The following SLC22A24 variants were observed in gnomAD, a reference collection of about 807,000 sequenced individuals.
SLC22A24 encodes the protein steroid transmembrane transporter SLC22A24.
Under a neutral mutation model 49.8 loss-of-function variants are expected in SLC22A24, and 53 were observed. The observed-to-expected ratio is 1.06, with a 90% CI of 0.85 to 1.34. The LOEUF (loss-of-function observed/expected upper bound fraction) is 1.34. Among genes scored for constraint, SLC22A24 ranks in the 40% most tolerant of loss-of-function variants. SLC22A24 has a pLI of 0.00. For missense variants in SLC22A24, 786 were observed against 675.9 expected, an observed-to-expected ratio of 1.16 and a Z score of -1.81; for synonymous variants, 302 against 256.4, an observed-to-expected ratio of 1.18 and a Z score of -1.70.
chr11:63,118,445 G>C (rs1262554869), intron 4 of SLC22A24: 1 of 176,182 alleles, frequency 5.7e-6, no homozygotes, highest in African/African-American at 2.4e-5. Context: ...CCAATTTTTG[G>C]AGATCCTACT....
At chr11:63,136,216 C>T (rs1037493278) in intron 1 of SLC22A24, among the ~76,000 whole-genome samples, 1 of 152,094 alleles carries the variant, frequency 6.6e-6, no homozygotes, top group Non-Finnish European at 1.5e-5. Flanking sequence ...AGAAGCAGCT[C>T]CAAAGCACTT....
chr11:63,083,209 C>T, intron 7 of SLC22A24, 34 bp downstream of exon 7: 1 of 1,511,562 alleles, frequency 6.6e-7, no homozygotes, highest in South Asian at 1.2e-5. Flanking sequence ...ATGGGGGTAA[C>T]TACTTTCTTT....
chr11:63,104,167 C>G lies in SLC22A24; in HGVS notation c.954+8G>C. ...AATCACAGCAATCATTTCCCCTTTC[C>G]AGATCACCTCAGTGGTCAGTGTCTC... On this transcript the variant is annotated splice_region_variant and intron_variant, in intron 5 of 9. Transcript: ENST00000612278. 6.5e-7 allele frequency: 1 copy of G among 1,548,572 alleles called. No individual in the cohort carries two copies. Among genetic ancestry groups the G allele is most frequent in the Non-Finnish European group, 8.7e-7 (1 of 1,146,638 alleles).
In SLC22A24 at chr11:63,096,032, T is replaced by G. The variant is rs1269970069; in HGVS notation, c.1029A>C (p.Ala343=). ...CGAAGACTCTCATTCGCAATTTGGG[T>G]GCACGGAACAGGGAAAAAATGGATG... ...IKTSIFSLFR[A]PKLRMRVFGL... The change falls in exon 6 of 10, where the codon GCA becomes GCC. Residue 343 remains alanine (A), a synonymous_variant. Coordinates refer to ENST00000612278, the MANE Select transcript of SLC22A24 (RefSeq NM_001136506.2). 1 of 1,550,948 alleles carries G rather than the reference T, an allele frequency of 6.4e-7. No individual in the cohort carries two copies. The highest frequency in any genetic ancestry group is 2.4e-5 in the East Asian group (1 of 40,896).
At chr11:63,115,971 G>A (rs1023539849) in intron 4 of SLC22A24, 9 of 321,562 alleles carry the variant, frequency 2.8e-5, no homozygotes, top group South Asian at 7.9e-5. Context: ...TTGACCCTTG[G>A]CCTTTGGCTG....
chr11:63,106,814 A>T (rs562280601), intron 4 of SLC22A24, among the ~76,000 whole-genome samples: 149 of 152,258 alleles, frequency 9.8e-4, no homozygotes, highest in African/African-American at 3.4e-3. Flanking sequence ...AGTTCGTTGT[A>T]GATTCTGGAT....
chr11:63,113,826 C>T (rs1253010602), intron 4 of SLC22A24, among the ~76,000 whole-genome samples: 113 of 150,292 alleles, frequency 7.5e-4, no homozygotes, highest in African/African-American at 2.7e-3. Flanking sequence ...TACACTCCAG[C>T]CTGGGCAACA....
intron 7 of SLC22A24, among the ~76,000 whole-genome samples, chr11:63,082,770 A>G (rs1156598353): frequency 6.6e-6 from 1 of 152,218 alleles, no homozygotes; most frequent in East Asian, 1.9e-4. Flanking sequence ...ATAATAGGGA[A>G]CTCAAAAGTG....
At chr11:63,126,580 A>G (rs1044365654) in intron 2 of SLC22A24, among the ~76,000 whole-genome samples, 9 of 152,142 alleles carry the variant, frequency 5.9e-5, no homozygotes, top group African/African-American at 2.2e-4. Context: ...CATAATTTGA[A>G]GTCAGGTAGC....
intron 2 of SLC22A24, among the ~76,000 whole-genome samples, chr11:63,123,786 A>T (rs1480034906): frequency 6.6e-6 from 1 of 152,162 alleles, no homozygotes; most frequent in Non-Finnish European, 1.5e-5. Flanking sequence ...CCTCTAAAAC[A>T]TTTTACAAAT....
intron 2 of SLC22A24, among the ~76,000 whole-genome samples, chr11:63,121,827 C>T (rs1033199915): frequency 6.6e-6 from 1 of 152,084 alleles, no homozygotes; most frequent in African/African-American, 2.4e-5. Context: ...GTGTGATGTT[C>T]CCCTTCCTGT....
chr11:63,108,104 TC>T (rs1403908217), intron 4 of SLC22A24, among the ~76,000 whole-genome samples: 1 of 152,184 alleles, frequency 6.6e-6, no homozygotes, highest in Non-Finnish European at 1.5e-5. Flanking sequence ...TTGAGATACA[TC>T]CCATCAATAC....
At chr11:63,084,781 T>TCTTCTTACC (rs2086978327) in intron 6 of SLC22A24, among the ~76,000 whole-genome samples, 1 of 152,048 alleles carries the variant, frequency 6.6e-6, no homozygotes, top group Non-Finnish European at 1.5e-5. Context: ...GTCAACAATA[T>TCTTCTTACC]CTTCTTACCC....
chr11:63,105,975 CA>C (rs1565328895), intron 4 of SLC22A24, among the ~76,000 whole-genome samples: 1 of 152,000 alleles, frequency 6.6e-6, no homozygotes, highest in African/African-American at 2.4e-5. Context: ...TACATGTGCA[CA>C]ATGTGCAGGT....
rs2086954965 is a variant in SLC22A24, at chr11:63,080,800, G to T, written c.1598+120C>A. The T allele has an allele frequency of 5.0e-6, 4 of 805,456 alleles. No homozygotes were observed. In the East Asian group the frequency reaches 1.1e-4, roughly 22 times the overall value. The allele number at this position is 805,456 out of a possible 1,614,324, so 49.9% of individuals were successfully genotyped here. A position where few individuals can be genotyped will look rare whatever the true frequency, so the allele number is the denominator to read the frequency against. On this transcript the variant is annotated intron_variant, in intron 9 of 9. Coordinates refer to ENST00000612278, the MANE Select transcript of SLC22A24 (RefSeq NM_001136506.2). ...AAAGGACATGGTGACAAATAGAAAA[G>T]TCCTAGGTCTGAGCCTACATGAAGG...
chr11:63,134,707 C>G lies in SLC22A24; in HGVS notation c.464G>C (p.Gly155Ala), dbSNP rs752239055. ...ATATATTAGACCTCCCAGAAGTGAC[C>G]CAGCCATAAATAGGGATTGAACCAT... Reference protein sequence around the residue: ...KSMVQSLFMAGSLLGGLIYGH... With the variant: ...KSMVQSLFMAASLLGGLIYGH... Residue 155 changes from glycine to alanine, a missense_variant, in exon 2 of 10, where the codon GGG becomes GCG. Physicochemically the swap from Gly to Ala is moderately conservative, Grantham distance 60. Transcript: ENST00000612278. 6.4e-7 allele frequency: 1 copy of G among 1,558,920 alleles called. No individual in the cohort carries two copies. The highest frequency in any genetic ancestry group is 8.7e-7 in the Non-Finnish European group (1 of 1,150,436).
chr11:63,081,451 C>G, intron 8 of SLC22A24, 107 bp downstream of exon 8: 1 of 787,940 alleles, frequency 1.3e-6, no homozygotes, highest in Non-Finnish European at 2.2e-6. Flanking sequence ...ATTTCTATTA[C>G]AGTTAATTCA....
At position 63,143,878 on chromosome 11, in the gene SLC22A24, C is replaced by T; in HGVS notation, c.-99G>A. 1 of 1,029,668 alleles carries T rather than the reference C, an allele frequency of 9.7e-7. No individual in the cohort carries two copies. Among genetic ancestry groups the T allele is most frequent in the Non-Finnish European group, 1.3e-6 (1 of 783,746 alleles). The allele number at this position is 1,029,668 out of a possible 1,614,324, so 63.8% of individuals were successfully genotyped here. ...CCCTTTCACAAAGTTACCATAGTGC[C>T]ATGTGGATCCTGACACTGCTTTCTT... On this transcript the variant is annotated 5_prime_UTR_variant, in exon 1 of 10. An upstream start codon of the reference 5' UTR is lost. Coordinates refer to ENST00000612278, the MANE Select transcript of SLC22A24 (RefSeq NM_001136506.2).
chr11:63,123,626 G>C (rs1171333007), intron 2 of SLC22A24, among the ~76,000 whole-genome samples: 1 of 152,070 alleles, frequency 6.6e-6, no homozygotes, highest in East Asian at 1.9e-4. Context: ...TTTCTTTCTA[G>C]TCTTCTCTCA....
Sources: allele counts gnomAD v4.1 joint callset (sites outside exome capture counted in the v4.1 genomes callset), GRCh38; gene constraint gnomAD v4.1.1; transcripts MANE v1.5; gene names NCBI Gene and HGNC (gene_info 2026-07-23, HGNC 2026-07-21).